The following PRELID2 variants were observed in gnomAD, a reference collection of about 807,000 sequenced individuals.
PRELID2 encodes PRELI domain-containing protein 2.
Under a neutral mutation model 28.4 loss-of-function variants are expected in PRELID2, and 25 were observed. The observed-to-expected ratio is 0.88, with a 90% CI of 0.64 to 1.23. The LOEUF (loss-of-function observed/expected upper bound fraction) is 1.23, where lower values mean the gene tolerates loss of function less well. Among genes scored for constraint, PRELID2 ranks in the 50% most tolerant of loss-of-function variants. PRELID2 has a pLI of 0.00. For missense variants in PRELID2, 201 were observed against 214.4 expected (o/e 0.94, Z 0.39); for synonymous variants, 76 against 71.6 (o/e 1.06, Z -0.31).
intron 1 of PRELID2, among the ~76,000 whole-genome samples, chr5:145,523,183 C>A (rs1300954908): frequency 1.3e-5 from 2 of 152,070 alleles, no homozygotes; most frequent in African/African-American, 2.4e-5. Flanking sequence ...GAAAGTGGTT[C>A]TTTTTAGATG....
the PRELID2 span, among the ~76,000 whole-genome samples, chr5:145,359,175 G>C: frequency 6.6e-6 from 1 of 152,180 alleles, no homozygotes; most frequent in African/African-American, 2.4e-5. Context: ...GATTAAGCCT[G>C]TGCTTGACAA....
the PRELID2 span, among the ~76,000 whole-genome samples, chr5:145,460,368 A>G: frequency 3.0e-4 from 45 of 152,224 alleles, no homozygotes; most frequent in Non-Finnish European, 6.3e-4. Context: ...TTTAGTGGGT[A>G]GATTCCAAAA....
At chr5:145,507,686 C>T (rs912289311) in intron 1 of PRELID2, among the ~76,000 whole-genome samples, 2 of 152,056 alleles carry the variant, frequency 1.3e-5, no homozygotes, top group African/African-American at 4.8e-5. Context: ...TTTTCACTGG[C>T]TTTTGTTTCC....
At chr5:145,417,705 G>A in the PRELID2 span, among the ~76,000 whole-genome samples, 2 of 152,062 alleles carry the variant, frequency 1.3e-5, no homozygotes, top group Admixed American at 1.3e-4. Context: ...ATCCCTTCAT[G>A]TTAAAAACTC....
intron 1 of PRELID2, among the ~76,000 whole-genome samples, chr5:145,717,356 T>C (rs1265208390): frequency 6.6e-6 from 1 of 152,094 alleles, no homozygotes; most frequent in Non-Finnish European, 1.5e-5. Context: ...GGCTGGTTGC[T>C]CAACTTTGTG....
intron 1 of PRELID2, among the ~76,000 whole-genome samples, chr5:145,748,410 C>A (rs976664917): frequency 1.3e-5 from 2 of 152,074 alleles, no homozygotes; most frequent in African/African-American, 4.8e-5. Flanking sequence ...AGGAATATAG[C>A]TAACAAGGGA....
chr5:145,597,739 T>A (rs1375985552), intron 1 of PRELID2, among the ~76,000 whole-genome samples: 1 of 152,170 alleles, frequency 6.6e-6, no homozygotes, highest in African/African-American at 2.4e-5. Context: ...GGCAGGTGAA[T>A]CTTGTTGAAA....
intron 1 of PRELID2, among the ~76,000 whole-genome samples, chr5:145,570,060 T>C (rs1288619674): frequency 2.0e-5 from 3 of 152,186 alleles, no homozygotes; most frequent in South Asian, 2.1e-4. Context: ...GTTGTTCGCA[T>C]TGGCATCATC....
intron 1 of PRELID2, among the ~76,000 whole-genome samples, chr5:145,585,482 T>G (rs1229558571): frequency 1.3e-5 from 2 of 152,080 alleles, no homozygotes; most frequent in African/African-American, 4.8e-5. Context: ...TAACAATAAT[T>G]AATAGTTAAT....
At chr5:145,568,804 T>G (rs1277036169) in intron 1 of PRELID2, among the ~76,000 whole-genome samples, 1 of 152,206 alleles carries the variant, frequency 6.6e-6, no homozygotes, top group Non-Finnish European at 1.5e-5. Flanking sequence ...AGCACAATAC[T>G]ACTCTCAAAG....
At chr5:145,551,907 G>T (rs990097146) in intron 1 of PRELID2, among the ~76,000 whole-genome samples, 4 of 152,120 alleles carry the variant, frequency 2.6e-5, no homozygotes, top group African/African-American at 9.7e-5. Flanking sequence ...CCACAGCCCA[G>T]CAGGGAGGTA....
At chr5:145,429,276 G>A in the PRELID2 span, among the ~76,000 whole-genome samples, 1 of 152,126 alleles carries the variant, frequency 6.6e-6, no homozygotes, top group Non-Finnish European at 1.5e-5. Context: ...ATGAAAGGAA[G>A]GTAGGGTTAA....
the PRELID2 span, among the ~76,000 whole-genome samples, chr5:145,265,713 A>C: frequency 6.6e-6 from 1 of 152,106 alleles, no homozygotes. Flanking sequence ...AGTGGTGAAA[A>C]GACACCCTAT....
At chr5:145,311,893 C>T in the PRELID2 span, among the ~76,000 whole-genome samples, 7 of 152,054 alleles carry the variant, frequency 4.6e-5, no homozygotes, top group South Asian at 4.2e-4. Context: ...CCCGTGGTTC[C>T]GCACTTTTAT....
At chr5:145,441,902 G>T in the PRELID2 span, among the ~76,000 whole-genome samples, 1 of 152,054 alleles carries the variant, frequency 6.6e-6, no homozygotes, top group Non-Finnish European at 1.5e-5. Flanking sequence ...GTTCTTCATT[G>T]CATAATGCGA....
At chr5:145,740,411 A>T (rs1581120951) in intron 1 of PRELID2, among the ~76,000 whole-genome samples, 1 of 139,474 alleles carries the variant, frequency 7.2e-6, no homozygotes, top group East Asian at 2.1e-4. Context: ...AGAAATCATT[A>T]TAGGTGGTGA....
the PRELID2 span, among the ~76,000 whole-genome samples, chr5:145,299,181 C>G: frequency 3.3e-5 from 5 of 152,114 alleles, no homozygotes; most frequent in African/African-American, 1.2e-4. Flanking sequence ...AAACTAATCC[C>G]AAACCTTGTA....
intron 5 of PRELID2, among the ~76,000 whole-genome samples, chr5:145,766,219 C>A (rs1053016199): frequency 4.6e-5 from 7 of 152,088 alleles, no homozygotes; most frequent in Non-Finnish European, 1.0e-4. Flanking sequence ...GAGATCTGAG[C>A]CTGAGAATTC....
At chr5:145,610,741 T>C (rs569741253) in intron 1 of PRELID2, among the ~76,000 whole-genome samples, 1 of 152,218 alleles carries the variant, frequency 6.6e-6, no homozygotes, top group Admixed American at 6.5e-5. Flanking sequence ...CTAAGACAAG[T>C]ATTTTCTCCT....
Sources: gnomAD v4.1 joint callset for allele counts (sites outside exome capture counted in the v4.1 genomes callset) on GRCh38, gnomAD v4.1.1 for gene constraint, MANE v1.5 for transcripts, NCBI Gene and HGNC (gene_info 2026-07-23, HGNC 2026-07-21) for gene names.